The following ZFP30 variants were observed in gnomAD, a reference collection of about 807,000 sequenced individuals.
ZFP30 encodes zinc finger protein 30 homolog.
A neutral mutation model predicts 12.3 loss-of-function variants in ZFP30; 16 were observed. That is an observed-to-expected ratio of 1.30 (90% CI 0.88 to 1.98). The LOEUF (loss-of-function observed/expected upper bound fraction) is 1.98. ZFP30 is among the 30% of genes most tolerant of loss of function. The pLI is 0.00. For missense variants in ZFP30, 560 were observed against 611.2 expected (o/e 0.92, Z 0.88); for synonymous variants, 172 against 201.0 (o/e 0.86, Z 1.22).
At chr19:37,645,835 C>T (rs972631618) in intron 3 of ZFP30, among the ~76,000 whole-genome samples, 2 of 151,960 alleles carry the variant, frequency 1.3e-5, no homozygotes, top group Non-Finnish European at 2.9e-5. Context: ...GTATAGTTTG[C>T]ATAAAACTTA....
At chr19:37,651,961 AG>A (rs1375422932) in intron 2 of ZFP30, among the ~76,000 whole-genome samples, 1 of 152,244 alleles carries the variant, frequency 6.6e-6, no homozygotes, top group Non-Finnish European at 1.5e-5. Flanking sequence ...ATATATGATT[AG>A]ATTTTTTAGA....
Position 37,636,288 on chromosome 19 carries a change from C to A in ZFP30, c.253G>T (p.Asp85Tyr). Reference sequence around the variant, plus strand: ...TTTCCTTGAAATAACTTTTTAGTGTCATATCTGGATTCCAAATCTGAAAGA... The same window carrying A: ...TTTCCTTGAAATAACTTTTTAGTGTAATATCTGGATTCCAAATCTGAAAGA... The part of the protein sequence containing the change: ...RWTLDLESRY[D>Y]TKKLFQGKDI... The change falls in exon 6 of 6, where the codon GAC becomes TAC. Residue 85 changes from aspartate (D) to tyrosine (Y), a missense_variant. By Grantham distance (160) the Asp-to-Tyr change is radical (BLOSUM62 -3). Coordinates refer to ENST00000684514, the MANE Select transcript of ZFP30 (RefSeq NM_001320669.3). 1 of 1,587,370 alleles carries A rather than the reference C, an allele frequency of 6.3e-7. No individual in the cohort carries two copies. Among genetic ancestry groups the A allele is most frequent in the South Asian group, 1.2e-5 (1 of 86,260 alleles).
rs2044287823 is a variant in ZFP30, at chr19:37,634,869, T to C, written c.*112A>G. ...TCTTTCCTTTAAATAAAACTTCCTA[T>C]GCTTAGTTGTGAGCATGAAGCAAAA... On this transcript the variant is annotated 3_prime_UTR_variant, in exon 6 of 6. Coordinates refer to ENST00000684514, the MANE Select transcript of ZFP30 (RefSeq NM_001320669.3). 4 of 1,157,320 alleles carry C rather than the reference T, an allele frequency of 3.5e-6. No homozygotes were observed. Among genetic ancestry groups the C allele is most frequent in the Non-Finnish European group, 4.6e-6 (4 of 872,346 alleles). The allele number at this position is 1,157,320 out of a possible 1,614,324, so 71.7% of individuals were successfully genotyped here.
chr19:37,638,568 A>T (rs1051461961), intron 5 of ZFP30, among the ~76,000 whole-genome samples: 4 of 152,246 alleles, frequency 2.6e-5, no homozygotes, highest in Admixed American at 2.6e-4. Context: ...ATATACCCAA[A>T]CTGGAAAGAG....
upstream of ZFP30, chr19:37,656,109 C>G (rs1344768399): frequency 6.6e-6 from 1 of 152,534 alleles, no homozygotes; most frequent in Non-Finnish European, 1.5e-5. Flanking sequence ...GGCCGCCGCG[C>G]CCCCGCGTAC....
At chr19:37,642,411 T>C (rs985562548) in intron 5 of ZFP30, among the ~76,000 whole-genome samples, 1 of 152,192 alleles carries the variant, frequency 6.6e-6, no homozygotes, top group African/African-American at 2.4e-5. Context: ...GTTCAAATAG[T>C]CCCATCTTTG....
chr19:37,640,834 T>G (rs2044420401), intron 5 of ZFP30, among the ~76,000 whole-genome samples: 1 of 152,198 alleles, frequency 6.6e-6, no homozygotes. Flanking sequence ...AGGTATAATG[T>G]CTCCCCCACC....
chr19:37,654,241 C>A (rs1374076451), intron 2 of ZFP30, among the ~76,000 whole-genome samples: 1 of 152,116 alleles, frequency 6.6e-6, no homozygotes, highest in Non-Finnish European at 1.5e-5. Context: ...CTACACTACA[C>A]CTCCCTCAGT....
chr19:37,641,623 T>A (rs1286739495), intron 5 of ZFP30, among the ~76,000 whole-genome samples: 1 of 152,306 alleles, frequency 6.6e-6, no homozygotes, highest in South Asian at 2.1e-4. Context: ...GTGTACAAAG[T>A]TTGCATCTCA....
intron 2 of ZFP30, among the ~76,000 whole-genome samples, chr19:37,652,588 TAAAACCACACAC>T (rs1268512582): frequency 6.6e-6 from 1 of 151,804 alleles, no homozygotes; most frequent in Non-Finnish European, 1.5e-5. Flanking sequence ...AATAAATAAA[TAAAACCACACAC>T]AAAACCACAC....
intron 2 of ZFP30, among the ~76,000 whole-genome samples, chr19:37,649,144 C>T (rs570797322): frequency 6.6e-6 from 1 of 151,382 alleles, no homozygotes; most frequent in East Asian, 1.9e-4. Flanking sequence ...ACTTGGGAGG[C>T]TGAGGCAGGA....
rs1014503106 is a variant in ZFP30 at position 37,633,983 on chromosome 19, A to G, written c.*998T>C. On this transcript the variant is annotated 3_prime_UTR_variant, in exon 6 of 6. Transcript: ENST00000684514. ...TTCTTAATATTATCTAATATTGTCAATATTCCATTCTCCCAATTATTGTTA... is the reference window on the plus strand; with the variant it reads ...TTCTTAATATTATCTAATATTGTCAGTATTCCATTCTCCCAATTATTGTTA... 1.3e-5 allele frequency: 2 copies of G among 152,232 alleles called. No homozygotes were observed. The highest frequency in any genetic ancestry group is 6.5e-5 in the Admixed American group (1 of 15,276). The allele number at this position is 152,232 out of a possible 1,614,324, so 9.4% of individuals were successfully genotyped here.
intron 5 of ZFP30, among the ~76,000 whole-genome samples, chr19:37,642,054 G>GA (rs1160335241): frequency 6.6e-6 from 1 of 152,164 alleles, no homozygotes; most frequent in South Asian, 2.1e-4. Flanking sequence ...TTCATTAGGA[G>GA]AAACAACACC....
intron 2 of ZFP30, among the ~76,000 whole-genome samples, chr19:37,654,088 T>G (rs2044705172): frequency 6.6e-6 from 1 of 152,228 alleles, no homozygotes; most frequent in South Asian, 2.1e-4. Context: ...AAATATTAAT[T>G]CATGTAATCT....
rs747009821 is a variant in ZFP30 at position 37,635,551 on chromosome 19, C to T, written c.990G>A (p.Glu330=). 8.1e-6 allele frequency: 13 copies of T among 1,613,836 alleles called. No homozygotes were observed. The East Asian group carries it at 2.7e-4, about 33-fold the overall frequency. Residue 330 remains glutamate (E), a synonymous_variant, in exon 6 of 6, where the codon GAG becomes GAA. Transcript: ENST00000684514. The part of the protein sequence containing the change: ...HTGEKPYECK[E]CGKAFRVRQQ... ...GCCGCACTCTAAAGGCCTTTCCACACTCCTTACATTCATAGGGTTTTTCTC... is the reference window on the plus strand; with the variant it reads ...GCCGCACTCTAAAGGCCTTTCCACATTCCTTACATTCATAGGGTTTTTCTC...
At chr19:37,655,139 C>T (rs370792933) in intron 1 of ZFP30, 1 of 152,358 alleles carries the variant, frequency 6.6e-6, no homozygotes, top group African/African-American at 2.4e-5. Flanking sequence ...ACGGCCGAGC[C>T]TAAGTGGCTG....
intron 3 of ZFP30, among the ~76,000 whole-genome samples, chr19:37,645,825 GTA>G (rs767469037): frequency 5.3e-5 from 8 of 151,834 alleles, no homozygotes; most frequent in Non-Finnish European, 1.0e-4. Flanking sequence ...TTTTTAAAAA[GTA>G]TAGTTTGCAT....
At chr19:37,648,164 G>T (rs1473737790) in intron 2 of ZFP30, among the ~76,000 whole-genome samples, 2 of 152,176 alleles carry the variant, frequency 1.3e-5, no homozygotes, top group African/African-American at 4.8e-5. Context: ...CTGCCAGTTG[G>T]TCCCCAGCTC....
intron 5 of ZFP30, among the ~76,000 whole-genome samples, chr19:37,640,746 A>G (rs1291757799): frequency 6.6e-6 from 1 of 151,550 alleles, no homozygotes; most frequent in Admixed American, 6.6e-5. Flanking sequence ...AAAATAAAAT[A>G]AAGTAAAATA....
Sources: allele counts gnomAD v4.1 joint callset (sites outside exome capture counted in the v4.1 genomes callset), GRCh38; gene constraint gnomAD v4.1.1; transcripts MANE v1.5; gene names NCBI Gene and HGNC (gene_info 2026-07-23, HGNC 2026-07-21).